Variants in GPATCH1 observed in about 807,000 individuals in gnomAD.
The protein encoded by GPATCH1 is G patch domain-containing protein 1.
GPATCH1 carries 73 observed loss-of-function variants against 114.9 expected under a neutral mutation model. That is an observed-to-expected ratio of 0.64 (90% CI 0.53 to 0.77). GPATCH1 has a LOEUF of 0.77. GPATCH1 is among the 30% of genes least tolerant of loss of function. The pLI, the probability that GPATCH1 is intolerant of heterozygous loss-of-function variation, is 0.00. For missense variants in GPATCH1, 1,058 were observed against 1,144.3 expected, an observed-to-expected ratio of 0.92 and a Z score of 1.09; for synonymous variants, 391 against 428.4, an observed-to-expected ratio of 0.91 and a Z score of 1.08.
intron 17 of GPATCH1, among the ~76,000 whole-genome samples, chr19:33,122,882 T>C (rs117440881): frequency 6.0e-5 from 9 of 150,560 alleles, no homozygotes; most frequent in African/African-American, 2.2e-4. Context: ...CTGGGCAACA[T>C]AGAGAGATTG....
At chr19:33,129,714 G>A (rs936146912) in intron 19 of GPATCH1, among the ~76,000 whole-genome samples, 6 of 152,120 alleles carry the variant, frequency 3.9e-5, no homozygotes, top group East Asian at 1.9e-4. Context: ...TTGGGAGGCC[G>A]AGGCGGGCAG....
intron 19 of GPATCH1, among the ~76,000 whole-genome samples, chr19:33,128,923 A>G (rs1224893615): frequency 6.6e-6 from 1 of 152,206 alleles, no homozygotes; most frequent in Non-Finnish European, 1.5e-5. Flanking sequence ...TGTTTCAAAT[A>G]GAACTGCCAC....
chr19:33,096,478 G>A (rs765075555), intron 7 of GPATCH1, 32 bp downstream of exon 7: 2 of 1,548,388 alleles, frequency 1.3e-6, no homozygotes, highest in South Asian at 2.3e-5. Flanking sequence ...TAAAGGGGGA[G>A]TCATTGATAA....
At chr19:33,093,771 A>G (rs1048904227) in intron 4 of GPATCH1, among the ~76,000 whole-genome samples, 10 of 152,126 alleles carry the variant, frequency 6.6e-5, no homozygotes, top group African/African-American at 2.4e-4. Context: ...GACTTCTCCC[A>G]CCACCCCTCC....
In GPATCH1 at chr19:33,088,226, G is replaced by C. The variant is rs765861380; in HGVS notation, c.166G>C (p.Gly56Arg). 6.2e-7 allele frequency: 1 copy of C among 1,607,104 alleles called. No individual in the cohort carries two copies. The highest frequency in any genetic ancestry group is 2.2e-5 in the East Asian group (1 of 44,758). The change falls in exon 2 of 20, where the codon GGT becomes CGT. Residue 56 changes from glycine to arginine, a missense_variant. Gly to Arg is a moderately radical substitution (Grantham distance 125). Coordinates refer to ENST00000170564, the MANE Select transcript of GPATCH1 (RefSeq NM_018025.3). ...YKRFHGAFSG[G>R]FSAGYFNTVG... ...ACGATTCCACGGGGCCTTTAGTGGA[G>C]GTTTCTCTGCTGGATACTTCAATAC...
rs759384094 is a variant in GPATCH1, at chr19:33,094,257, C to T, written c.541C>T (p.Arg181Ter). The T allele has an allele frequency of 2.2e-5, 34 of 1,570,260 alleles. No homozygotes were observed. The highest frequency in any genetic ancestry group is 6.7e-5 in the East Asian group (3 of 44,642). ...TCCTCGAGTAAAGAGACGGCCACGC[C>T]GACAGAAACCTGGTGTGTATGTTAA... ...VGPRVKRRPR[R>*]QKPDPGVKIY... is the part of the protein sequence containing the mutation. Residue 181 changes from arginine (R) to a stop codon, truncating the protein, a stop_gained, in exon 5 of 20, where the codon CGA becomes TGA. Coordinates refer to ENST00000170564, the MANE Select transcript of GPATCH1 (RefSeq NM_018025.3). LOFTEE classifies it high-confidence loss of function.
At chr19:33,093,642 A>T in intron 4 of GPATCH1, 123 bp downstream of exon 4, 1 of 909,850 alleles carries the variant, frequency 1.1e-6, no homozygotes, top group Non-Finnish European at 1.7e-6. Context: ...AGTCTAAGTG[A>T]AAAAGGGGGT....
At position 33,106,759 on chromosome 19, in the gene GPATCH1, C is replaced by T; in HGVS notation, c.1145C>T (p.Ala382Val). 6.2e-7 allele frequency: 1 copy of T among 1,613,840 alleles called. No homozygotes were observed. The highest frequency in any genetic ancestry group is 8.5e-7 in the Non-Finnish European group (1 of 1,179,904). ...RPVHYFRPMV[A>V]ATSENSHLLQ... ...GTGCATTATTTCAGACCCATGGTGG[C>T]CGCCACCTCCGAGAACTCACACTTA... is the stretch of plus-strand genomic sequence containing the variant. Residue 382 changes from alanine to valine, a missense_variant, in exon 10 of 20, where the codon GCC (alanine) becomes GTC (valine). Coordinates refer to ENST00000170564, the MANE Select transcript of GPATCH1 (RefSeq NM_018025.3).
At chr19:33,088,830 T>G (rs1005293471) in intron 2 of GPATCH1, among the ~76,000 whole-genome samples, 15 of 151,848 alleles carry the variant, frequency 9.9e-5, no homozygotes, top group African/African-American at 3.6e-4. Context: ...CTAATTTTTT[T>G]TGTGTTTATA....
Position 33,093,455 on chromosome 19 carries a change from T to C in GPATCH1, c.391T>C (p.Leu131=), listed in dbSNP as rs1369851447. The change falls in exon 4 of 20, where the codon TTG becomes CTG. Residue 131 remains leucine (L), a synonymous_variant. Transcript: ENST00000170564. The part of the protein sequence containing the change: ...KDRIREKARQ[L]AAATAPIPGA... Reference sequence around the variant, plus strand: ...CAGAATACGAGAAAAGGCTAGGCAGTTGGCCGCTGCTACTGCCCCTATTCC... The same window carrying C: ...CAGAATACGAGAAAAGGCTAGGCAGCTGGCCGCTGCTACTGCCCCTATTCC... 2.5e-6 allele frequency: 4 copies of C among 1,613,874 alleles called. No individual in the cohort carries two copies. The highest frequency in any genetic ancestry group is 1.7e-5 in the Admixed American group (1 of 59,974).
chr19:33,095,989 G>A (rs997047834), intron 6 of GPATCH1, among the ~76,000 whole-genome samples, 169 bp downstream of exon 6: 1 of 152,152 alleles, frequency 6.6e-6, no homozygotes, highest in Admixed American at 6.6e-5. Context: ...TCAGCAACAT[G>A]CCAGCACCAC....
chr19:33,113,868 C>G lies in GPATCH1; in HGVS notation c.1994C>G (p.Ser665Ter), dbSNP rs1230205625. Residue 665 changes from serine (S) to a stop codon, truncating the protein, a stop_gained, in exon 14 of 20, where the codon TCA becomes TGA. Coordinates refer to ENST00000170564, the MANE Select transcript of GPATCH1 (RefSeq NM_018025.3). LOFTEE classifies it high-confidence loss of function. The stretch of plus-strand genomic sequence containing the variant: ...GCTTCCTTGCCCACCACTCAAGCAT[C>G]AAGTGAAAAAGTATCACAGCACCGA... The part of the protein sequence containing the change: ...ETASLPTTQA[S>*]SEKVSQHRGP... The G allele has an allele frequency of 6.2e-7, 1 of 1,614,100 alleles. No homozygotes were observed. The highest frequency in any genetic ancestry group is 2.2e-5 in the East Asian group (1 of 44,882).
chr19:33,091,509 A>G (rs115104507), intron 3 of GPATCH1, among the ~76,000 whole-genome samples: 3,025 of 151,770 alleles, frequency 0.02, 87 homozygotes, highest in African/African-American at 0.07. Context: ...AGTAACTCTC[A>G]GGCACACTGC....
At position 33,081,198 on chromosome 19, in the gene GPATCH1, CG is replaced by C; in HGVS notation, c.7del (p.Ala3ArgfsTer103). 6.4e-7 allele frequency: 1 copy of C among 1,551,130 alleles called. No homozygotes were observed. The highest frequency in any genetic ancestry group is 8.7e-7 in the Non-Finnish European group (1 of 1,146,780). M[A>X]ARDSDSEEDL... Reference sequence around the variant, plus strand: ...GGCGGGGCCCGGAAGAGCAGGATGGCGGCGCGGGACAGTGACAGCGAAGAAG... The same window carrying C: ...GGCGGGGCCCGGAAGAGCAGGATGGCGCGCGGGACAGTGACAGCGAAGAAG... On this transcript the variant is annotated frameshift_variant, in exon 1 of 20. Transcript: ENST00000170564. LOFTEE classifies it high-confidence loss of function.
Position 33,107,854 on chromosome 19 carries a change from A to AT in GPATCH1, c.1285+964dup, listed in dbSNP as rs796152115. Among the ~76,000 whole-genome samples the AT allele has an allele frequency of 4.4e-3, 665 of 149,476 alleles. 7 individuals carry two copies. The highest frequency in any genetic ancestry group is 0.015 in the African/African-American group (606 of 40,648). ...TTTTTTTTCTTAATTTTTAATTTTTATTTTTTTTTATTATACTTTAAGTTC... is the reference window on the plus strand; with the variant it reads ...TTTTTTTTCTTAATTTTTAATTTTTATTTTTTTTTTATTATACTTTAAGTTC... On this transcript the variant is annotated intron_variant, in intron 10 of 19. Transcript: ENST00000170564.
chr19:33,108,088 G>A (rs1036627642), intron 10 of GPATCH1, among the ~76,000 whole-genome samples: 4 of 151,744 alleles, frequency 2.6e-5, no homozygotes, highest in Admixed American at 1.3e-4. Flanking sequence ...GAGTCCTCTC[G>A]GCTCTACCCA....
intron 1 of GPATCH1, 120 bp downstream of exon 1, chr19:33,081,386 G>A (rs1972474462): frequency 1.2e-6 from 1 of 835,762 alleles, no homozygotes; most frequent in Non-Finnish European, 1.9e-6. Flanking sequence ...CTGGGAACAC[G>A]GCGACGAGGG....
At chr19:33,084,000 G>C (rs546998279) in intron 1 of GPATCH1, among the ~76,000 whole-genome samples, 1 of 152,030 alleles carries the variant, frequency 6.6e-6, no homozygotes, top group East Asian at 1.9e-4. Context: ...AGTAGACACA[G>C]GGTTTTACCA....
intron 11 of GPATCH1, among the ~76,000 whole-genome samples, chr19:33,110,429 C>T (rs575359206): frequency 2.2e-4 from 33 of 152,028 alleles, no homozygotes; most frequent in Non-Finnish European, 3.4e-4. Context: ...GCTATTGAAC[C>T]GTTACAGAGG....
Sources: gnomAD v4.1 joint callset for allele counts (sites outside exome capture counted in the v4.1 genomes callset) on GRCh38, gnomAD v4.1.1 for gene constraint, MANE v1.5 for transcripts, NCBI Gene and HGNC (gene_info 2026-07-23, HGNC 2026-07-21) for gene names.